The following ZBTB20 variants were observed in gnomAD, a reference collection of about 807,000 sequenced individuals.
ZBTB20 encodes the protein zinc finger and BTB domain containing 20, also known as zinc finger and BTB domain-containing protein 20.
Under a neutral mutation model 56.9 loss-of-function variants are expected in ZBTB20, and 9 were observed. That is an observed-to-expected ratio of 0.16 (90% CI 0.10 to 0.28). The LOEUF (loss-of-function observed/expected upper bound fraction) is 0.28. Ranked by LOEUF, ZBTB20 falls within the 10% of genes least tolerant of loss-of-function variation. ZBTB20 has a pLI of 1.00. For missense variants in ZBTB20, 655 were observed against 1,003.0 expected, an observed-to-expected ratio of 0.65 and a Z score of 4.69; for synonymous variants, 417 against 420.7, an observed-to-expected ratio of 0.99 and a Z score of 0.11.
chr3:114,738,536 G>A (rs1178952103), intron 5 of ZBTB20, among the ~76,000 whole-genome samples: 2 of 152,078 alleles, frequency 1.3e-5, no homozygotes, highest in Non-Finnish European at 2.9e-5. Context: ...ATAGATTCAA[G>A]GGTTTTAGAG....
intron 6 of ZBTB20, among the ~76,000 whole-genome samples, chr3:114,619,497 GT>G (rs201442514): frequency 2.3e-4 from 35 of 149,438 alleles, no homozygotes; most frequent in South Asian, 8.5e-4. Context: ...AATATTTTGG[GT>G]TTTTTTTTTA....
intron 2 of ZBTB20, among the ~76,000 whole-genome samples, chr3:115,006,715 A>G (rs1260144752): frequency 6.6e-6 from 1 of 151,790 alleles, no homozygotes; most frequent in African/African-American, 2.4e-5. Flanking sequence ...CCTCTTCTAC[A>G]GCATCAAGTG....
At chr3:115,050,200 C>T (rs1033250652) in intron 2 of ZBTB20, among the ~76,000 whole-genome samples, 6 of 151,610 alleles carry the variant, frequency 4.0e-5, no homozygotes, top group Admixed American at 1.3e-4. Context: ...TGAAAAGGTA[C>T]GAATTTTATA....
At chr3:114,990,541 A>G (rs1464690787) in intron 2 of ZBTB20, among the ~76,000 whole-genome samples, 1 of 152,112 alleles carries the variant, frequency 6.6e-6, no homozygotes, top group East Asian at 1.9e-4. Flanking sequence ...CGATGTTTTC[A>G]TCAGGGATAT....
At chr3:114,455,701 G>A (rs2091972194) in intron 7 of ZBTB20, among the ~76,000 whole-genome samples, 1 of 152,052 alleles carries the variant, frequency 6.6e-6, no homozygotes, top group African/African-American at 2.4e-5. Context: ...TTTTAGGCAC[G>A]GCACGATCTC....
At position 114,922,877 on chromosome 3, in the gene ZBTB20, G is replaced by A. The variant is rs150340033; in HGVS notation, c.-455-22535C>T. On this transcript the variant is annotated intron_variant, in intron 3 of 11. Coordinates refer to ENST00000675478, the MANE Select transcript of ZBTB20 (RefSeq NM_001348800.3). Reference sequence around the variant, plus strand: ...CCACTTATGAGGAAACTACCCCCACGATCAAACACCTCTCATTAGGCCTGA... The same window carrying A: ...CCACTTATGAGGAAACTACCCCCACAATCAAACACCTCTCATTAGGCCTGA... 7.2e-5 allele frequency among the ~76,000 whole-genome samples: 11 copies of A among 152,200 alleles called. No homozygotes were observed. The East Asian group carries it at 1.4e-3, about 19-fold the overall frequency.
At chr3:114,433,923 G>A (rs1036384056) in intron 7 of ZBTB20, among the ~76,000 whole-genome samples, 1 of 152,144 alleles carries the variant, frequency 6.6e-6, no homozygotes, top group African/African-American at 2.4e-5. Context: ...GGGATTGGAG[G>A]GTTAGCTAGG....
At chr3:114,565,996 C>A (rs2052682542) in intron 6 of ZBTB20, among the ~76,000 whole-genome samples, 1 of 147,770 alleles carries the variant, frequency 6.8e-6, no homozygotes, top group Admixed American at 6.7e-5. Context: ...ACAATACATA[C>A]ATTTTTTCTT....
At chr3:114,630,001 AT>A (rs1416043192) in intron 6 of ZBTB20, among the ~76,000 whole-genome samples, 1 of 152,090 alleles carries the variant, frequency 6.6e-6, no homozygotes, top group Non-Finnish European at 1.5e-5. Context: ...TTAGTCGAGC[AT>A]GATGGTGTGT....
chr3:114,870,775 T>G (rs575313434), intron 4 of ZBTB20, among the ~76,000 whole-genome samples: 26 of 152,248 alleles, frequency 1.7e-4, no homozygotes, highest in African/African-American at 6.0e-4. Context: ...ATTCTCCACA[T>G]GGACAACCAC....
At chr3:114,480,279 T>C (rs897549428) in intron 7 of ZBTB20, among the ~76,000 whole-genome samples, 4 of 152,182 alleles carry the variant, frequency 2.6e-5, no homozygotes, top group African/African-American at 9.7e-5. Context: ...GAAAGTGTTT[T>C]TCAGCTGTTA....
intron 9 of ZBTB20, 27 bp downstream of exon 9, chr3:114,380,750 C>A (rs1240030218): frequency 6.7e-7 from 1 of 1,494,842 alleles, no homozygotes; most frequent in South Asian, 1.3e-5. Context: ...TTAACATGGT[C>A]TGGAAAAATA....
At chr3:114,548,296 G>C (rs921192830) in intron 6 of ZBTB20, among the ~76,000 whole-genome samples, 1 of 152,126 alleles carries the variant, frequency 6.6e-6, no homozygotes, top group African/African-American at 2.4e-5. Context: ...AGTGGGCTCT[G>C]TTCATCCTCA....
In ZBTB20 at chr3:115,142,764, C is replaced by T. The variant is rs189020396; in HGVS notation, c.-703+4455G>A. On this transcript the variant is annotated intron_variant, in intron 1 of 11. Coordinates refer to ENST00000675478, the MANE Select transcript of ZBTB20 (RefSeq NM_001348800.3). ...TATAGTTTTCAGATGCTGGCAAGTC[C>T]GTATACAAATAGCCAGAGGCAATCA... is the stretch of plus-strand genomic sequence containing the variant. 2.6e-5 allele frequency among the ~76,000 whole-genome samples: 4 copies of T among 152,100 alleles called. No homozygotes were observed. The East Asian group carries it at 5.8e-4, about 22-fold the overall frequency.
chr3:114,667,904 C>T (rs1444857493), intron 6 of ZBTB20, among the ~76,000 whole-genome samples: 2 of 151,858 alleles, frequency 1.3e-5, no homozygotes, highest in East Asian at 3.9e-4. Context: ...CACATGCTCA[C>T]AAGCAAAATA....
At chr3:115,018,280 T>TAA (rs35969429) in intron 2 of ZBTB20, among the ~76,000 whole-genome samples, 3 of 143,250 alleles carry the variant, frequency 2.1e-5, no homozygotes, top group African/African-American at 7.6e-5. Context: ...ATCCTTTAAA[T>TAA]AAAAAAAAAA....
At chr3:114,605,762 A>G (rs2057096505) in intron 6 of ZBTB20, among the ~76,000 whole-genome samples, 1 of 152,166 alleles carries the variant, frequency 6.6e-6, no homozygotes, top group Non-Finnish European at 1.5e-5. Flanking sequence ...GCTGAAACTT[A>G]AAGGATGGAA....
In ZBTB20 at chr3:114,315,999, AAG is replaced by A. The variant is rs2078671748; in HGVS notation, c.*23004_*23005del. Reference sequence around the variant, plus strand: ...TTTTTCAGTTTTTATTTCAAACATTAAGAGAGTACTGATTTTCACATGGTAGT... The same window carrying A: ...TTTTTCAGTTTTTATTTCAAACATTAAGAGTACTGATTTTCACATGGTAGT... On this transcript the variant is annotated 3_prime_UTR_variant, in exon 12 of 12. Coordinates refer to ENST00000675478, the MANE Select transcript of ZBTB20 (RefSeq NM_001348800.3). 6.3e-6 allele frequency: 1 copy of A among 158,990 alleles called. No individual in the cohort carries two copies. Among genetic ancestry groups the A allele is most frequent in the Admixed American group, 6.5e-5 (1 of 15,288 alleles). 9.8% of individuals were successfully genotyped at this position (158,990 alleles called of 1,614,324 possible).
At chr3:114,790,724 T>A (rs2070894575) in intron 5 of ZBTB20, among the ~76,000 whole-genome samples, 1 of 151,958 alleles carries the variant, frequency 6.6e-6, no homozygotes, top group South Asian at 2.1e-4. Flanking sequence ...TACTCCTGGT[T>A]TTTTGCCCTC....
Sources: allele counts gnomAD v4.1 joint callset (sites outside exome capture counted in the v4.1 genomes callset), GRCh38; gene constraint gnomAD v4.1.1; transcripts MANE v1.5; gene names NCBI Gene and HGNC (gene_info 2026-07-23, HGNC 2026-07-21).